The following PAN3 variants were observed in gnomAD, a reference collection of about 807,000 sequenced individuals.
The protein encoded by PAN3 is poly(A) specific ribonuclease subunit PAN3.
Under a neutral mutation model 96.2 loss-of-function variants are expected in PAN3, and 19 were observed. That is an observed-to-expected ratio of 0.20 (90% CI 0.14 to 0.29). PAN3 has a LOEUF of 0.29. Among genes scored for constraint, PAN3 ranks in the 10% least tolerant of loss-of-function variants. The pLI, the probability that PAN3 is intolerant of heterozygous loss-of-function variation, is 1.00. For synonymous variants in PAN3, 433 were observed against 406.6 expected, an observed-to-expected ratio of 1.06 and a Z score of -0.78; for missense variants, 882 against 1,108.1, an observed-to-expected ratio of 0.80 and a Z score of 2.90.
At chr13:28,280,378 G>A (rs1887371419) in intron 15 of PAN3, 34 bp from the exon 16 acceptor site, 1 of 1,578,742 alleles carries the variant, frequency 6.3e-7, no homozygotes, top group Admixed American at 1.8e-5. Context: ...TTGCATGTTG[G>A]ACATCCAAGT....
intron 6 of PAN3, among the ~76,000 whole-genome samples, chr13:28,237,871 G>T (rs1883252693): frequency 6.6e-6 from 1 of 152,104 alleles, no homozygotes; most frequent in Admixed American, 6.5e-5. Context: ...ACATCTGTAT[G>T]TATGCACAAT....
chr13:28,238,541 A>G (rs190412850), intron 6 of PAN3, among the ~76,000 whole-genome samples: 273 of 152,350 alleles, frequency 1.8e-3, no homozygotes, highest in African/African-American at 6.2e-3. Flanking sequence ...GCTGAGAATC[A>G]AGATTTGTTC....
At position 28,294,809 on chromosome 13, in the gene PAN3, G is replaced by A. The variant is rs1191026835; in HGVS notation, c.*2287G>A. On this transcript the variant is annotated 3_prime_UTR_variant, in exon 19 of 19. Coordinates refer to ENST00000380958, the MANE Select transcript of PAN3 (RefSeq NM_175854.8). ...GTCAGCCAGAAAAGGTTGGTGTCAG[G>A]TAATGCATATTTTTTTAAGCTTTGT... 1.3e-5 allele frequency: 2 copies of A among 152,292 alleles called. No individual in the cohort carries two copies. The highest frequency in any genetic ancestry group is 4.8e-5 in the African/African-American group (2 of 41,432). The allele number at this position is 152,292 out of a possible 1,614,324, so 9.4% of individuals were successfully genotyped here. A position where few individuals can be genotyped will look rare whatever the true frequency, so the allele number is the denominator to read the frequency against.
intron 1 of PAN3, among the ~76,000 whole-genome samples, chr13:28,156,810 T>C (rs1257400254): frequency 6.6e-6 from 1 of 151,944 alleles, no homozygotes; most frequent in African/African-American, 2.4e-5. Context: ...CTGTGTAACA[T>C]GGTGAGTACC....
At chr13:28,149,723 C>T (rs1236181997) in intron 1 of PAN3, among the ~76,000 whole-genome samples, 1 of 152,100 alleles carries the variant, frequency 6.6e-6, no homozygotes, top group Admixed American at 6.5e-5. Context: ...TCAAGTTACC[C>T]TCTTGCCTCA....
At chr13:28,284,989 T>G (rs2138739865) in intron 17 of PAN3, among the ~76,000 whole-genome samples, 1 of 152,326 alleles carries the variant, frequency 6.6e-6, no homozygotes, top group Middle Eastern at 3.4e-3. Flanking sequence ...TGGTATGTCA[T>G]TCTATTTGTT....
chr13:28,250,614 G>C (rs190679547), intron 6 of PAN3, among the ~76,000 whole-genome samples: 1 of 152,060 alleles, frequency 6.6e-6, no homozygotes, highest in Non-Finnish European at 1.5e-5. Flanking sequence ...TGACCCACCC[G>C]CCTCGGCCTC....
chr13:28,194,283 G>A (rs1877693746), intron 4 of PAN3, among the ~76,000 whole-genome samples: 1 of 151,402 alleles, frequency 6.6e-6, no homozygotes, highest in Non-Finnish European at 1.5e-5. Context: ...AGGTGTCCAT[G>A]TATAAATCAT....
chr13:28,176,668 A>G, intron 3 of PAN3, 109 bp downstream of exon 3: 1 of 1,086,872 alleles, frequency 9.2e-7, no homozygotes, highest in Non-Finnish European at 1.4e-6. Context: ...GGCATAAAGA[A>G]GAAAATAAAA....
intron 5 of PAN3, chr13:28,215,213 CTG>C: frequency 2.8e-6 from 2 of 711,690 alleles, no homozygotes; most frequent in Non-Finnish European, 5.3e-6. Flanking sequence ...AGGCTCTGGA[CTG>C]CATCCTCCCA....
At chr13:28,276,900 A>G (rs1005217589) in intron 14 of PAN3, among the ~76,000 whole-genome samples, 2 of 152,194 alleles carry the variant, frequency 1.3e-5, no homozygotes, top group African/African-American at 2.4e-5. Flanking sequence ...ATAAGAAAAA[A>G]TTAGAAAAAC....
Position 28,294,222 on chromosome 13 carries a change from T to G in PAN3, c.*1700T>G, listed in dbSNP as rs926428038. Reference sequence around the variant, plus strand: ...TTATTGCATTTGATCTGGATGGATTTTAAAAGAATATAATGTTCAATATTA... The same window carrying G: ...TTATTGCATTTGATCTGGATGGATTGTAAAAGAATATAATGTTCAATATTA... On this transcript the variant is annotated 3_prime_UTR_variant, in exon 19 of 19. Coordinates refer to ENST00000380958, the MANE Select transcript of PAN3 (RefSeq NM_175854.8). 2.0e-5 allele frequency: 3 copies of G among 152,650 alleles called. No individual in the cohort carries two copies. Among genetic ancestry groups the G allele is most frequent in the African/African-American group, 7.2e-5 (3 of 41,460 alleles). 9.5% of individuals were successfully genotyped at this position (152,650 alleles called of 1,614,324 possible).
At chr13:28,145,033 A>G (rs142761082) in intron 1 of PAN3, among the ~76,000 whole-genome samples, 70 of 152,126 alleles carry the variant, frequency 4.6e-4, no homozygotes, top group African/African-American at 1.7e-3. Flanking sequence ...TCATCCTTTT[A>G]TATGCCATTT....
At chr13:28,215,585 T>C (rs992329327) in intron 5 of PAN3, 1 of 784,778 alleles carries the variant, frequency 1.3e-6, no homozygotes, top group Non-Finnish European at 2.2e-6. Flanking sequence ...TCTATGCCCT[T>C]GTACTGAATT....
chr13:28,205,082 T>TA lies in PAN3; in HGVS notation c.852+7737dup, dbSNP rs1387240127. 5.3e-5 allele frequency among the ~76,000 whole-genome samples: 8 copies of TA among 152,288 alleles called. No homozygotes were observed. In the East Asian group the frequency reaches 1.5e-3, roughly 29 times the overall value. On this transcript the variant is annotated intron_variant, in intron 5 of 18. Transcript: ENST00000380958. ...TCTCATGTGAGTTCTAGTTGCTTGT[T>TA]ACTGCTTCCTTTAAGATCTCGGGGG...
chr13:28,229,560 T>C (rs569368335), intron 6 of PAN3, among the ~76,000 whole-genome samples: 1 of 152,246 alleles, frequency 6.6e-6, no homozygotes, highest in Admixed American at 6.5e-5. Flanking sequence ...AGATTTGTTA[T>C]TCTTTCCACT....
intron 4 of PAN3, among the ~76,000 whole-genome samples, chr13:28,188,543 A>G (rs1049359609): frequency 3.3e-5 from 5 of 152,056 alleles, no homozygotes; most frequent in East Asian, 1.9e-4. Flanking sequence ...TGAAGCTGCA[A>G]TTAGCTATAG....
chr13:28,186,740 G>A (rs1876521107), intron 4 of PAN3, among the ~76,000 whole-genome samples: 1 of 152,166 alleles, frequency 6.6e-6, no homozygotes, highest in Non-Finnish European at 1.5e-5. Flanking sequence ...TGAGGTGGGA[G>A]GTTTGAGTTC....
chr13:28,276,371 T>G (rs796567287), intron 14 of PAN3, among the ~76,000 whole-genome samples: 12 of 152,350 alleles, frequency 7.9e-5, no homozygotes, highest in African/African-American at 2.6e-4. Context: ...TGGTTTCATG[T>G]TAACTCTGAA....
Sources: allele counts gnomAD v4.1 joint callset (sites outside exome capture counted in the v4.1 genomes callset), GRCh38; gene constraint gnomAD v4.1.1; transcripts MANE v1.5; gene names NCBI Gene and HGNC (gene_info 2026-07-23, HGNC 2026-07-21).